Variants in RPSA2 observed in about 807,000 individuals in gnomAD.
RPSA2 encodes small ribosomal subunit protein uS2B.
At chr19:23,824,329 C>T in the RPSA2 span, among the ~76,000 whole-genome samples, 2 of 150,910 alleles carry the variant, frequency 1.3e-5, no homozygotes, top group African/African-American at 4.9e-5. Context: ...TACTCAAGCT[C>T]GTCTTGTGAC....
the RPSA2 span, among the ~76,000 whole-genome samples, chr19:23,787,183 T>G: frequency 6.6e-6 from 1 of 152,132 alleles, no homozygotes; most frequent in Non-Finnish European, 1.5e-5. Context: ...CGCTGGGCCC[T>G]GCATTGACAA....
the RPSA2 span, among the ~76,000 whole-genome samples, chr19:23,856,104 C>T: frequency 6.6e-6 from 1 of 152,000 alleles, no homozygotes; most frequent in South Asian, 2.1e-4. Flanking sequence ...GAGCAGATAA[C>T]AAAGGCCGAA....
At chr19:23,868,711 G>A in the RPSA2 span, among the ~76,000 whole-genome samples, 7 of 152,180 alleles carry the variant, frequency 4.6e-5, no homozygotes, top group Non-Finnish European at 8.8e-5. Flanking sequence ...AAGGTATGGT[G>A]GATTTACTGC....
chr19:23,800,504 G>T, the RPSA2 span, among the ~76,000 whole-genome samples: 2 of 152,180 alleles, frequency 1.3e-5, no homozygotes, highest in Admixed American at 6.5e-5. Flanking sequence ...CAGTTATGCT[G>T]TAAAGTGCAT....
chr19:23,805,287 C>A, the RPSA2 span, among the ~76,000 whole-genome samples: 1 of 152,238 alleles, frequency 6.6e-6, no homozygotes, highest in Non-Finnish European at 1.5e-5. Context: ...CCCCCAGCCT[C>A]CTGAGTAGCT....
At chr19:23,840,197 T>G in the RPSA2 span, among the ~76,000 whole-genome samples, 2 of 152,230 alleles carry the variant, frequency 1.3e-5, no homozygotes, top group Non-Finnish European at 2.9e-5. Flanking sequence ...CATTTTCATT[T>G]CTACTTCTGA....
chr19:23,849,429 T>C, the RPSA2 span, among the ~76,000 whole-genome samples: 1,020 of 152,094 alleles, frequency 6.7e-3, 14 homozygotes, highest in African/African-American at 0.023. Context: ...TTAAAGGGGA[T>C]TTATCATGGG....
the RPSA2 span, among the ~76,000 whole-genome samples, chr19:23,812,073 A>C: frequency 1.3e-5 from 2 of 152,304 alleles, no homozygotes; most frequent in Admixed American, 1.3e-4. Flanking sequence ...ATTATTTGTT[A>C]ATGTACATTG....
the RPSA2 span, among the ~76,000 whole-genome samples, chr19:23,794,966 T>C: frequency 6.6e-6 from 1 of 152,344 alleles, no homozygotes; most frequent in East Asian, 1.9e-4. Flanking sequence ...GTCATCTTTG[T>C]TGAAGATCAG....
the RPSA2 span, chr19:23,819,086 G>C: frequency 6.6e-6 from 1 of 152,162 alleles, no homozygotes; most frequent in Admixed American, 6.5e-5. Context: ...TTTCCTAGAG[G>C]AGGAGGTTGA....
chr19:23,764,061 C>T, the RPSA2 span, among the ~76,000 whole-genome samples: 10 of 151,886 alleles, frequency 6.6e-5, no homozygotes, highest in Admixed American at 6.6e-4. Flanking sequence ...ATTTTGTTTC[C>T]GCCTAAAATA....
the RPSA2 span, among the ~76,000 whole-genome samples, chr19:23,790,409 G>A: frequency 1.3e-5 from 2 of 152,090 alleles, no homozygotes; most frequent in Admixed American, 1.3e-4. Context: ...CCATGTTCTG[G>A]GGTGGGCCTG....
chr19:23,846,998 T>C, the RPSA2 span, among the ~76,000 whole-genome samples: 1 of 152,170 alleles, frequency 6.6e-6, no homozygotes, highest in Non-Finnish European at 1.5e-5. Flanking sequence ...CTGATAATTT[T>C]TGTTTAGTCA....
chr19:23,793,520 A>T, the RPSA2 span, among the ~76,000 whole-genome samples: 6 of 151,570 alleles, frequency 4.0e-5, no homozygotes, highest in Non-Finnish European at 7.4e-5. Context: ...CAGTGGCATG[A>T]TCTTGGCTCA....
the RPSA2 span, among the ~76,000 whole-genome samples, chr19:23,802,653 G>A: frequency 6.6e-6 from 1 of 151,930 alleles, no homozygotes; most frequent in East Asian, 2.0e-4. Flanking sequence ...TGGTTCCCTG[G>A]TACTTGAGTG....
At chr19:23,854,253 C>T in the RPSA2 span, among the ~76,000 whole-genome samples, 1 of 152,240 alleles carries the variant, frequency 6.6e-6, no homozygotes, top group African/African-American at 2.4e-5. Flanking sequence ...AACACCAGGC[C>T]CACTGAACCT....
At chr19:23,859,106 T>G in the RPSA2 span, among the ~76,000 whole-genome samples, 1 of 152,208 alleles carries the variant, frequency 6.6e-6, no homozygotes, top group Non-Finnish European at 1.5e-5. Flanking sequence ...ATCTCAGGTA[T>G]TTACCCCAGA....
At chr19:23,854,223 C>T in the RPSA2 span, among the ~76,000 whole-genome samples, 1 of 152,150 alleles carries the variant, frequency 6.6e-6, no homozygotes, top group Non-Finnish European at 1.5e-5. Flanking sequence ...ATTCCTTTAG[C>T]AGAGGTGGAT....
the RPSA2 span, among the ~76,000 whole-genome samples, chr19:23,852,557 T>C: frequency 2.6e-5 from 4 of 152,248 alleles, no homozygotes; most frequent in African/African-American, 9.6e-5. Flanking sequence ...AGCAGGAAGA[T>C]GCCCTTAAGA....
Sources: gnomAD v4.1 joint callset for allele counts (sites outside exome capture counted in the v4.1 genomes callset) on GRCh38, gnomAD v4.1.1 for gene constraint, MANE v1.5 for transcripts, NCBI Gene and HGNC (gene_info 2026-07-23, HGNC 2026-07-21) for gene names.